The following NFIC variants were observed in gnomAD, a reference collection of about 807,000 sequenced individuals.
The protein encoded by NFIC is nuclear factor I C, also known as nuclear factor 1 C-type.
NFIC carries 12 observed loss-of-function variants against 54.4 expected under a neutral mutation model. That is an observed-to-expected ratio of 0.22 (90% confidence interval 0.14 to 0.36). The LOEUF is 0.36. Ranked by LOEUF, NFIC falls within the 10% of genes least tolerant of loss-of-function variation. The pLI is 1.00. For missense variants in NFIC, 575 were observed against 718.2 expected (o/e 0.80, Z 2.28); for synonymous variants, 322 against 319.2 (o/e 1.01, Z -0.09).
In NFIC at chr19:3,452,614, T is replaced by C; in HGVS notation, c.1217T>C (p.Leu406Pro). 6.2e-7 allele frequency: 1 copy of C among 1,613,348 alleles called. No individual in the cohort carries two copies. Among genetic ancestry groups the C allele is most frequent in the Non-Finnish European group, 8.5e-7 (1 of 1,179,822 alleles). ...YPPHLNPQDP[L>P]KDLVSLACDP... ...CCTCATCTCAACCCCCAGGACCCGC[T>C]CAAAGATCTTGTCTCGCTGGCCTGC... The change falls in exon 8 of 11, where the codon CTC (leucine) becomes CCC (proline). Residue 406 changes from leucine to proline, a missense_variant. Leu to Pro is a moderately conservative substitution (Grantham distance 98, BLOSUM62 -3). Around this residue, in one of 3 missense-constraint regions of NFIC, gnomAD observed 447 missense variants for 526.9 expected, o/e 0.85. Coordinates refer to ENST00000443272, the MANE Select transcript of NFIC (RefSeq NM_001245002.2). The surrounding 1 kb of genome is among the most constrained non-coding windows in gnomAD (Gnocchi z 5.3).
intron 2 of NFIC, among the ~76,000 whole-genome samples, chr19:3,407,012 G>C (rs932144178): frequency 1.3e-5 from 2 of 149,898 alleles, no homozygotes; most frequent in Non-Finnish European, 3.0e-5. Flanking sequence ...AGAGAGGGAC[G>C]AGGGGAGGAG....
chr19:3,372,510 G>C (rs963713000), intron 1 of NFIC, among the ~76,000 whole-genome samples: 3 of 152,172 alleles, frequency 2.0e-5, no homozygotes, highest in Non-Finnish European at 4.4e-5. Flanking sequence ...GTGCCCTTGT[G>C]GGACCGACAG....
intron 2 of NFIC, among the ~76,000 whole-genome samples, chr19:3,403,296 G>A (rs1361949963): frequency 6.6e-6 from 1 of 152,134 alleles, no homozygotes; most frequent in Non-Finnish European, 1.5e-5. Flanking sequence ...CCACATTCAA[G>A]GCAACATTTA....
At chr19:3,410,377 C>T (rs1255306661) in intron 2 of NFIC, among the ~76,000 whole-genome samples, 1 of 152,156 alleles carries the variant, frequency 6.6e-6, no homozygotes, top group African/African-American at 2.4e-5. Flanking sequence ...TGAGGAAAGT[C>T]CTGAATGAGG....
At chr19:3,380,142 A>G (rs1159055669) in intron 1 of NFIC, among the ~76,000 whole-genome samples, 1 of 150,816 alleles carries the variant, frequency 6.6e-6, no homozygotes, top group East Asian at 1.9e-4. Flanking sequence ...CTGGGACTAC[A>G]GGCGCCCGAC....
rs765887628 is a variant in NFIC, at chr19:3,433,556, G to A, written c.673G>A (p.Val225Met). Residue 225 changes from valine (V) to methionine (M), a missense_variant, in exon 4 of 11, where the codon GTG becomes ATG. Transcript: ENST00000443272. ...DFQESFVTSGVFSVTELIQVS... is the reference protein window; with the variant it reads ...DFQESFVTSGMFSVTELIQVS... ...CCAGGAGAGCTTTGTCACCTCCGGCGTGTTCAGCGTCACTGAGCTCATCCA... is the reference window on the plus strand; with the variant it reads ...CCAGGAGAGCTTTGTCACCTCCGGCATGTTCAGCGTCACTGAGCTCATCCA... 1.2e-5 allele frequency: 20 copies of A among 1,614,000 alleles called. No homozygotes were observed. Among genetic ancestry groups the A allele is most frequent in the Non-Finnish European group, 1.5e-5 (18 of 1,179,896 alleles).
upstream of NFIC, among the ~76,000 whole-genome samples, chr19:3,364,430 C>T (rs2080856468): frequency 6.6e-6 from 1 of 152,282 alleles, no homozygotes; most frequent in South Asian, 2.1e-4. Context: ...TAGACCCAAG[C>T]AGCGAGCCCA....
intron 6 of NFIC, among the ~76,000 whole-genome samples, chr19:3,437,062 C>T (rs977807636): frequency 2.0e-5 from 3 of 152,012 alleles, no homozygotes; most frequent in Admixed American, 1.3e-4. Flanking sequence ...CTGTCATCCA[C>T]GTCTTTATAA....
intron 1 of NFIC, among the ~76,000 whole-genome samples, chr19:3,371,927 CCTTCCT>C (rs1568400050): frequency 3.7e-5 from 5 of 134,070 alleles, no homozygotes; most frequent in East Asian, 2.2e-4. Context: ...TTCCTTCCTT[CCTTCCT>C]TCCTTCCCTC....
chr19:3,438,280 G>T (rs573274511), intron 6 of NFIC, among the ~76,000 whole-genome samples: 18 of 131,590 alleles, frequency 1.4e-4, no homozygotes, highest in Middle Eastern at 3.6e-3. Flanking sequence ...GGTAGCAATG[G>T]GGGGAGGACA....
chr19:3,390,154 A>G (rs1361323811), intron 2 of NFIC, among the ~76,000 whole-genome samples: 4 of 152,216 alleles, frequency 2.6e-5, no homozygotes, highest in Non-Finnish European at 5.9e-5. Flanking sequence ...TGTCACCAGA[A>G]GCTGGACCAA....
chr19:3,437,920 C>T lies in NFIC; in HGVS notation c.958+2713C>T, dbSNP rs143949984. On this transcript the variant is annotated intron_variant, in intron 6 of 10. Coordinates refer to ENST00000443272, the MANE Select transcript of NFIC (RefSeq NM_001245002.2). ...CTTGAACTCCTGACCTCAAGTGATC[C>T]GCCAACCTCAAGTGATCCGCCCATC... 9.7e-3 allele frequency among the ~76,000 whole-genome samples: 1,472 copies of T among 151,936 alleles called. 23 individuals are homozygous for T. Among genetic ancestry groups the T allele is most frequent in the African/African-American group, 0.034 (1,389 of 41,402 alleles).
rs537417015 is a variant in NFIC at position 3,410,761 on chromosome 19, T to A, written c.563-14345T>A. On this transcript the variant is annotated intron_variant, in intron 2 of 10. Coordinates refer to ENST00000443272, the MANE Select transcript of NFIC (RefSeq NM_001245002.2). ...TATCCCCGTCCCCTCCGTAAGCTCC[T>A]CTGAGCATAGCAACAGAACGGGAAG... 2.0e-5 allele frequency: 3 copies of A among 152,414 alleles called. No homozygotes were observed. In the East Asian group the frequency reaches 5.8e-4, roughly 29 times the overall value. The allele number at this position is 152,414 out of a possible 1,614,324, so 9.4% of individuals were successfully genotyped here. A position where few individuals can be genotyped will look rare whatever the true frequency, so the allele number is the denominator to read the frequency against.
intron 1 of NFIC, among the ~76,000 whole-genome samples, chr19:3,361,043 C>T (rs2080804196): frequency 6.6e-6 from 1 of 152,198 alleles, no homozygotes; most frequent in South Asian, 2.1e-4. Flanking sequence ...AGCGCTCCCT[C>T]CACCTTTTCA....
At chr19:3,437,110 G>C (rs947864292) in intron 6 of NFIC, among the ~76,000 whole-genome samples, 7 of 152,054 alleles carry the variant, frequency 4.6e-5, no homozygotes, top group Non-Finnish European at 1.0e-4. Flanking sequence ...GCTCACGCCT[G>C]TAATCCCAGC....
chr19:3,381,368 C>G (rs570589126), intron 1 of NFIC, among the ~76,000 whole-genome samples: 1 of 141,392 alleles, frequency 7.1e-6, no homozygotes, highest in South Asian at 2.2e-4. Flanking sequence ...GCACTCCAGC[C>G]TTAGCGTTAA....
intron 2 of NFIC, among the ~76,000 whole-genome samples, chr19:3,396,815 G>A (rs2081472113): frequency 1.3e-5 from 2 of 152,214 alleles, no homozygotes; most frequent in African/African-American, 4.8e-5. Flanking sequence ...AATTAGCTGG[G>A]TGTGGTGGCA....
rs551667735 is a variant in NFIC, at chr19:3,467,758, C to CATATATATATATATATAT, written c.*5003_*5020dup. 0.017 allele frequency: 1,164 copies of CATATATATATATATATAT among 69,378 alleles called. 67 individuals carry two copies. The highest frequency in any genetic ancestry group is 0.041 in the African/African-American group (432 of 10,548). 4.3% of individuals were successfully genotyped at this position (69,378 alleles called of 1,614,324 possible). A position where few individuals can be genotyped will look rare whatever the true frequency, so the allele number is the denominator to read the frequency against. ...ACCTCCAGTGTAGGGCTATACTATACATATATATATATATATATATATATA... is the reference window on the plus strand; with the variant it reads ...ACCTCCAGTGTAGGGCTATACTATACATATATATATATATATATATATATATATATATATATATATATA... On this transcript the variant is annotated 3_prime_UTR_variant, in exon 11 of 11. Transcript: ENST00000443272.
intron 7 of NFIC, among the ~76,000 whole-genome samples, chr19:3,450,395 C>G (rs1418580708): frequency 6.7e-6 from 1 of 150,342 alleles, no homozygotes; most frequent in African/African-American, 2.4e-5. Context: ...GTGGTTCACA[C>G]CTGTAATCCC....
Sources: gnomAD v4.1 joint callset for allele counts (sites outside exome capture counted in the v4.1 genomes callset) on GRCh38, gnomAD v4.1.1 for gene constraint, gnomAD v4.1.1 regional missense constraint, Gnocchi (gnomAD v3.1) non-coding constraint, MANE v1.5 for transcripts, NCBI Gene and HGNC (gene_info 2026-07-23, HGNC 2026-07-21) for gene names.